The following THSD7A variants were observed in gnomAD, a reference collection of about 807,000 sequenced individuals.
THSD7A encodes thrombospondin type 1 domain containing 7A, also known as thrombospondin type-1 domain-containing protein 7A.
THSD7A carries 96 observed loss-of-function variants against 231.3 expected under a neutral mutation model. The ratio of observed to expected loss-of-function variants is 0.41; its 90% CI spans 0.35 to 0.49. THSD7A has a LOEUF of 0.49. Ranked by LOEUF, THSD7A falls within the 20% of genes least tolerant of loss-of-function variation. THSD7A has a pLI of 0.05. For missense variants in THSD7A, 2,290 were observed against 2,070.2 expected, an observed-to-expected ratio of 1.11 and a Z score of -2.06; for synonymous variants, 940 against 743.3, an observed-to-expected ratio of 1.26 and a Z score of -4.30.
chr7:11,783,284 A>G (rs2128175389), intron 1 of THSD7A, among the ~76,000 whole-genome samples: 1 of 152,290 alleles, frequency 6.6e-6, no homozygotes, highest in Middle Eastern at 3.4e-3. Context: ...ACATTAGCCT[A>G]CTGGTGGGCA....
chr7:11,472,175 G>T (rs937764510), intron 8 of THSD7A, among the ~76,000 whole-genome samples: 1 of 152,094 alleles, frequency 6.6e-6, no homozygotes, highest in Admixed American at 6.6e-5. Flanking sequence ...AAGGCAATTG[G>T]TTCAGTCAGC....
chr7:11,766,938 G>A (rs1195222774), intron 1 of THSD7A, among the ~76,000 whole-genome samples: 1 of 152,156 alleles, frequency 6.6e-6, no homozygotes, highest in Non-Finnish European at 1.5e-5. Context: ...ATTGTCTTAG[G>A]TATGGTAATG....
intron 6 of THSD7A, among the ~76,000 whole-genome samples, chr7:11,512,821 T>A (rs1293129212): frequency 6.7e-6 from 1 of 149,966 alleles, no homozygotes; most frequent in Non-Finnish European, 1.5e-5. Flanking sequence ...GAGATATACC[T>A]AATGTAAATG....
chr7:11,646,460 G>A (rs1187329154), intron 1 of THSD7A, among the ~76,000 whole-genome samples: 1 of 152,038 alleles, frequency 6.6e-6, no homozygotes, highest in African/African-American at 2.4e-5. Context: ...GTAGCAACTA[G>A]CAAATCTAGT....
intron 6 of THSD7A, among the ~76,000 whole-genome samples, chr7:11,509,119 C>A (rs1562668888): frequency 6.6e-6 from 1 of 152,152 alleles, no homozygotes; most frequent in East Asian, 1.9e-4. Context: ...TAAAAATATA[C>A]ACTTTACATA....
rs549778912 is a variant in THSD7A, at chr7:11,467,699, T to G, written c.2368+2180A>C. ...TCTTCATACTGTAAAAATCACAAAT[T>G]TAAAAATCATGTTATTTTCTTTTCA... On this transcript the variant is annotated intron_variant, in intron 9 of 27. Coordinates refer to ENST00000423059, the MANE Select transcript of THSD7A (RefSeq NM_015204.3). 3.3e-5 allele frequency among the ~76,000 whole-genome samples: 5 copies of G among 152,140 alleles called. 1 individual carries two copies. Among genetic ancestry groups the G allele is most frequent in the African/African-American group, 9.6e-5 (4 of 41,588 alleles).
At chr7:11,783,190 A>C (rs777357818) in intron 1 of THSD7A, among the ~76,000 whole-genome samples, 35 of 152,176 alleles carry the variant, frequency 2.3e-4, no homozygotes, top group Non-Finnish European at 4.1e-4. Flanking sequence ...TTAAGTTACA[A>C]ATATCACAAG....
chr7:11,641,302 A>G (rs1321941038), intron 1 of THSD7A, among the ~76,000 whole-genome samples: 1 of 152,128 alleles, frequency 6.6e-6, no homozygotes, highest in Non-Finnish European at 1.5e-5. Flanking sequence ...TCAATGGCTT[A>G]CTTTTGGATA....
chr7:11,719,626 A>G lies in THSD7A; in HGVS notation c.191-82665T>C, dbSNP rs559468843. 2.5e-4 allele frequency among the ~76,000 whole-genome samples: 38 copies of G among 151,602 alleles called. No individual in the cohort carries two copies. In the South Asian group the frequency reaches 7.5e-3, roughly 30 times the overall value. ...TGCCCAGTGATCCCCTCAATGAGTT[A>G]TTTTTCTCCTCCTCAACTCCACTCC... On this transcript the variant is annotated intron_variant, in intron 1 of 27. Transcript: ENST00000423059.
Position 11,831,971 on chromosome 7 carries a change from C to T in THSD7A, c.-25G>A, listed in dbSNP as rs1008609551. On this transcript the variant is annotated 5_prime_UTR_variant, in exon 1 of 28. Transcript: ENST00000423059. The surrounding 1 kb of genome is among the most constrained non-coding windows in gnomAD (Gnocchi z 5.0). ...TGCCGCCTGCAGCCACTCCAGGGTC[C>T]AGAGCCGTAGCACGCTCGGCAGGGA... 6.5e-6 allele frequency: 8 copies of T among 1,223,798 alleles called. No homozygotes were observed. The East Asian group carries it at 1.6e-4, about 25-fold the overall frequency. The allele number at this position is 1,223,798 out of a possible 1,614,324, so 75.8% of individuals were successfully genotyped here.
At chr7:11,547,162 C>CATGGAAATGAAAG (rs1435874547) in intron 4 of THSD7A, among the ~76,000 whole-genome samples, 1 of 152,120 alleles carries the variant, frequency 6.6e-6, no homozygotes, top group Non-Finnish European at 1.5e-5. Flanking sequence ...GAGTGCTAAA[C>CATGGAAATGAAAG]ATGGAAATGA....
At chr7:11,486,077 G>A (rs563481559) in intron 6 of THSD7A, among the ~76,000 whole-genome samples, 8 of 152,158 alleles carry the variant, frequency 5.3e-5, no homozygotes, top group African/African-American at 1.2e-4. Flanking sequence ...TGGGTCAATG[G>A]CTATTACAGG....
At chr7:11,445,932 T>C in intron 13 of THSD7A, 129 bp downstream of exon 13, 1 of 1,117,228 alleles carries the variant, frequency 9.0e-7, no homozygotes, top group South Asian at 1.4e-5. Context: ...ATATGTATAG[T>C]GTGGTGCTTC....
chr7:11,465,077 C>T (rs538025451), intron 9 of THSD7A, among the ~76,000 whole-genome samples: 7 of 152,186 alleles, frequency 4.6e-5, no homozygotes, highest in Non-Finnish European at 5.9e-5. Context: ...TTATTATATG[C>T]GGTTGATATA....
chr7:11,795,735 A>C (rs1784105524), intron 1 of THSD7A, among the ~76,000 whole-genome samples: 1 of 151,712 alleles, frequency 6.6e-6, no homozygotes, highest in African/African-American at 2.4e-5. Context: ...AAAGCAAAAA[A>C]ACTGAAAATA....
At chr7:11,450,696 A>T (rs1173364018) in intron 11 of THSD7A, among the ~76,000 whole-genome samples, 4 of 152,074 alleles carry the variant, frequency 2.6e-5, no homozygotes, top group Non-Finnish European at 5.9e-5. Flanking sequence ...GATCATACTA[A>T]GAGCACAGTT....
At position 11,597,166 on chromosome 7, in the gene THSD7A, G is replaced by A. The variant is rs151069668; in HGVS notation, c.1023-3664C>T. Among the ~76,000 whole-genome samples the A allele has an allele frequency of 2.9e-3, 446 of 152,272 alleles. 2 individuals are homozygous for A. The highest frequency in any genetic ancestry group is 9.9e-3 in the African/African-American group (413 of 41,560). On this transcript the variant is annotated intron_variant, in intron 2 of 27. Transcript: ENST00000423059. The stretch of plus-strand genomic sequence containing the variant: ...ATGCTAGAGGATGGGAAATAAATCC[G>A]ACTAAAATTCAGGGACCTTCTACCT...
intron 6 of THSD7A, among the ~76,000 whole-genome samples, chr7:11,486,587 G>C (rs958444442): frequency 1.8e-5 from 2 of 112,956 alleles, no homozygotes; most frequent in African/African-American, 7.0e-5. Context: ...GTGTAGGTAT[G>C]AACCAACGCA....
chr7:11,477,643 T>C (rs1407309831), intron 7 of THSD7A, among the ~76,000 whole-genome samples: 1 of 152,200 alleles, frequency 6.6e-6, no homozygotes, highest in Non-Finnish European at 1.5e-5. Flanking sequence ...TGGGAGAACA[T>C]TCAAGTTGGC....
Sources: gnomAD v4.1 joint callset for allele counts (sites outside exome capture counted in the v4.1 genomes callset) on GRCh38, gnomAD v4.1.1 for gene constraint, Gnocchi (gnomAD v3.1) non-coding constraint, MANE v1.5 for transcripts, NCBI Gene and HGNC (gene_info 2026-07-23, HGNC 2026-07-21) for gene names.